The following ARNT variants were observed in gnomAD, a reference collection of about 807,000 sequenced individuals.
The protein encoded by ARNT is class E basic helix-loop-helix protein 2.
ARNT carries 30 observed loss-of-function variants against 105.0 expected under a neutral mutation model. That is an observed-to-expected ratio of 0.29 (90% CI 0.21 to 0.39). ARNT has a LOEUF of 0.39. Ranked by LOEUF, ARNT falls within the 10% of genes least tolerant of loss-of-function variation. ARNT has a pLI of 1.00. For missense variants in ARNT, 748 were observed against 978.7 expected (o/e 0.76, Z 3.15); for synonymous variants, 304 against 344.0 (o/e 0.88, Z 1.29).
At chr1:150,850,851 C>T (rs998667423) in intron 3 of ARNT, among the ~76,000 whole-genome samples, 3 of 150,786 alleles carry the variant, frequency 2.0e-5, no homozygotes, top group South Asian at 2.1e-4. Flanking sequence ...GTCTCTGCCC[C>T]GCAGCCCATC....
At chr1:150,857,102 AT>A (rs587728769) in intron 2 of ARNT, among the ~76,000 whole-genome samples, 31 of 152,362 alleles carry the variant, frequency 2.0e-4, no homozygotes, top group African/African-American at 7.2e-4. Flanking sequence ...TGTGGTATAT[AT>A]TCTTTCAGTT....
At chr1:150,830,050 T>C in intron 10 of ARNT, 70 bp from the exon 11 acceptor site, 2 of 1,551,644 alleles carry the variant, frequency 1.3e-6, no homozygotes, top group South Asian at 1.1e-5. Flanking sequence ...CTCAGACAAG[T>C]AAAGATTCAA....
chr1:150,814,750 G>A (rs1655472337), intron 19 of ARNT, among the ~76,000 whole-genome samples: 1 of 152,188 alleles, frequency 6.6e-6, no homozygotes, highest in South Asian at 2.1e-4. Context: ...GGCTGAGGCA[G>A]GAGAATCACT....
At chr1:150,831,306 T>C (rs1006910398) in intron 10 of ARNT, among the ~76,000 whole-genome samples, 1 of 152,216 alleles carries the variant, frequency 6.6e-6, no homozygotes, top group Admixed American at 6.5e-5. Context: ...ACAAGCCAAC[T>C]TAAAACTTTG....
intron 6 of ARNT, among the ~76,000 whole-genome samples, chr1:150,839,021 C>T (rs1310231846): frequency 2.0e-5 from 3 of 152,242 alleles, no homozygotes; most frequent in Non-Finnish European, 4.4e-5. Context: ...AACAATTAGA[C>T]TCTCAGTTCT....
At chr1:150,852,740 G>A in intron 3 of ARNT, 22 bp downstream of exon 3, 3 of 1,599,064 alleles carry the variant, frequency 1.9e-6, no homozygotes, top group African/African-American at 1.3e-5. Flanking sequence ...AGACATCTAA[G>A]GAAAGTTTTT....
chr1:150,836,605 T>C, intron 6 of ARNT, 112 bp from the exon 7 acceptor site: 1 of 1,105,646 alleles, frequency 9.0e-7, no homozygotes, highest in Non-Finnish European at 1.3e-6. Context: ...CGTAAGCAAC[T>C]GCTGGTTCAC....
chr1:150,850,126 A>C (rs1185130070), intron 3 of ARNT, among the ~76,000 whole-genome samples: 1 of 151,994 alleles, frequency 6.6e-6, no homozygotes, highest in African/African-American at 2.4e-5. Flanking sequence ...AATTCCTCAC[A>C]CCTGTAATCC....
rs751895417 is a variant in ARNT, at chr1:150,836,470, C to T, written c.510G>A (p.Glu170=). 2 of 1,613,924 alleles carry T rather than the reference C, an allele frequency of 1.2e-6. No homozygotes were observed. The highest frequency in any genetic ancestry group is 1.7e-6 in the Non-Finnish European group (2 of 1,179,982). The part of the protein sequence containing the change: ...TDQELKHLIL[E]AADGFLFIVS... ...CAATAAACAGAAAGCCATCTGCTGCCTCCAAGATCAAATGTTTCAGTTCCT... is the reference window on the plus strand; with the variant it reads ...CAATAAACAGAAAGCCATCTGCTGCTTCCAAGATCAAATGTTTCAGTTCCT... The change falls in exon 7 of 22, where the codon GAG becomes GAA. Residue 170 remains glutamate, a synonymous_variant. Transcript: ENST00000358595.
Position 150,829,295 on chromosome 1 carries a change from C to CA in ARNT, c.1033-69dup, listed in dbSNP as rs1287970540. On this transcript the variant is annotated intron_variant, in intron 11 of 21. Coordinates refer to ENST00000358595, the MANE Select transcript of ARNT (RefSeq NM_001668.4). The stretch of plus-strand genomic sequence containing the variant: ...TTTACAGATGTATTTCCTATCTCCT[C>CA]ATGGTCTTTTGCATAGACATAAGAT... 28 of 1,511,924 alleles carry CA rather than the reference C, an allele frequency of 1.9e-5. No individual in the cohort carries two copies. In the Admixed American group the frequency reaches 2.5e-4, roughly 14 times the overall value. 93.7% of individuals were successfully genotyped at this position (1,511,924 alleles called of 1,614,324 possible).
Position 150,842,605 on chromosome 1 carries a change from G to A in ARNT, c.228-137C>T, listed in dbSNP as rs587721300. 10 of 674,528 alleles carry A rather than the reference G, an allele frequency of 1.5e-5. No individual in the cohort carries two copies. In the South Asian group the frequency reaches 1.9e-4, roughly 13 times the overall value. The allele number at this position is 674,528 out of a possible 1,614,324, so 41.8% of individuals were successfully genotyped here. On this transcript the variant is annotated intron_variant, in intron 4 of 21. Transcript: ENST00000358595. ...AAAAAAAAGAAAAGGAGAAAGAAGA[G>A]AGAAAAGGATATAGAACTAAACAGA...
intron 8 of ARNT, among the ~76,000 whole-genome samples, chr1:150,833,774 T>C (rs1659767822): frequency 6.6e-6 from 1 of 151,774 alleles, no homozygotes; most frequent in Admixed American, 6.6e-5. Context: ...AGTCTCAAAT[T>C]TCTAACCAAA....
At chr1:150,826,649 CT>C (rs762614187) in intron 12 of ARNT, 32 bp from the exon 13 acceptor site, 84,072 of 1,066,530 alleles carry the variant, frequency 0.079, no homozygotes, top group South Asian at 0.1. Flanking sequence ...AAGATATATA[CT>C]TTTTTTTTTT....
chr1:150,854,375 C>T (rs999089295), intron 2 of ARNT, among the ~76,000 whole-genome samples: 15 of 137,728 alleles, frequency 1.1e-4, no homozygotes, highest in South Asian at 2.2e-4. Context: ...CTGGGCAACA[C>T]GGTGAAATCC....
chr1:150,841,055 T>C (rs994191073), intron 5 of ARNT, among the ~76,000 whole-genome samples: 1 of 150,476 alleles, frequency 6.6e-6, no homozygotes, highest in African/African-American at 2.4e-5. Context: ...TTCAAGCAAT[T>C]CTGCTATCTC....
chr1:150,867,574 T>C (rs10305662), intron 1 of ARNT, among the ~76,000 whole-genome samples: 9,147 of 152,024 alleles, frequency 0.06, 950 homozygotes, highest in African/African-American at 0.21. Context: ...TATAGGAAAG[T>C]AGTTTATGTG....
intron 2 of ARNT, 52 bp from the exon 3 acceptor site, chr1:150,852,858 TAAG>T (rs1663884042): frequency 6.2e-7 from 1 of 1,603,914 alleles, no homozygotes; most frequent in South Asian, 1.1e-5. Flanking sequence ...TACAAAACAT[TAAG>T]AAGTTAAAAT....
chr1:150,874,558 G>A (rs796667868), intron 1 of ARNT, among the ~76,000 whole-genome samples: 5 of 152,066 alleles, frequency 3.3e-5, no homozygotes, highest in African/African-American at 1.2e-4. Context: ...TGGTGGCAAG[G>A]CACCTGTAGT....
chr1:150,855,196 T>C (rs776899691), intron 2 of ARNT, among the ~76,000 whole-genome samples: 5 of 152,156 alleles, frequency 3.3e-5, no homozygotes, highest in Middle Eastern at 3.4e-3. Flanking sequence ...AACAGCAAAA[T>C]CTTCAAAACA....
Sources: gnomAD v4.1 joint callset for allele counts (sites outside exome capture counted in the v4.1 genomes callset) on GRCh38, gnomAD v4.1.1 for gene constraint, MANE v1.5 for transcripts, NCBI Gene and HGNC (gene_info 2026-07-23, HGNC 2026-07-21) for gene names.